EXOC6B: variants seen among roughly 807,000 people sequenced by gnomAD.
EXOC6B encodes the protein SEC15 homolog B.
Under a neutral mutation model 113.5 loss-of-function variants are expected in EXOC6B, and 54 were observed. The observed-to-expected ratio is 0.48, with a 90% confidence interval of 0.38 to 0.60. The LOEUF (loss-of-function observed/expected upper bound fraction) is 0.60. Among genes scored for constraint, EXOC6B ranks in the 20% least tolerant of loss-of-function variants. EXOC6B has a pLI of 0.00. For missense variants in EXOC6B, 797 were observed against 977.5 expected, an observed-to-expected ratio of 0.82 and a Z score of 2.46; for synonymous variants, 357 against 339.0, an observed-to-expected ratio of 1.05 and a Z score of -0.58.
chr2:72,649,924 C>A (rs1372700133), intron 6 of EXOC6B, among the ~76,000 whole-genome samples: 2 of 152,148 alleles, frequency 1.3e-5, no homozygotes, highest in Non-Finnish European at 2.9e-5. Context: ...ATAAATTAAT[C>A]ATAGATATAA....
At chr2:72,465,004 C>A in intron 18 of EXOC6B, 156 bp downstream of exon 18, 1 of 637,300 alleles carries the variant, frequency 1.6e-6, no homozygotes, top group Non-Finnish European at 2.7e-6. Context: ...TGGAAGTAGC[C>A]TCTACATATC....
chr2:72,729,583 C>A (rs1359499159), intron 5 of EXOC6B, among the ~76,000 whole-genome samples: 2 of 151,836 alleles, frequency 1.3e-5, no homozygotes, highest in Non-Finnish European at 2.9e-5. Flanking sequence ...ACCACCATGC[C>A]CAGCTCCTTT....
chr2:72,393,511 A>G (rs1692522394), intron 18 of EXOC6B, among the ~76,000 whole-genome samples: 1 of 152,134 alleles, frequency 6.6e-6, no homozygotes, highest in African/African-American at 2.4e-5. Context: ...ACTTAGCAAT[A>G]GTGTAATTTT....
At chr2:72,514,298 A>G (rs1421054940) in intron 10 of EXOC6B, among the ~76,000 whole-genome samples, 1 of 152,106 alleles carries the variant, frequency 6.6e-6, no homozygotes, top group Non-Finnish European at 1.5e-5. Context: ...AAGTTTGCCA[A>G]CTTTTGCTGA....
chr2:72,745,878 G>GCTAAT (rs1681663588), intron 1 of EXOC6B, among the ~76,000 whole-genome samples: 1 of 152,112 alleles, frequency 6.6e-6, no homozygotes, highest in Admixed American at 6.6e-5. Context: ...TACTACTGAA[G>GCTAAT]CTAATCTAAT....
At chr2:72,676,795 T>C (rs1676350000) in intron 6 of EXOC6B, among the ~76,000 whole-genome samples, 1 of 152,148 alleles carries the variant, frequency 6.6e-6, no homozygotes, top group Non-Finnish European at 1.5e-5. Flanking sequence ...AGAAAAATCG[T>C]CCCTACCTAA....
At chr2:72,776,644 A>C (rs1427738159) in intron 1 of EXOC6B, among the ~76,000 whole-genome samples, 3 of 152,196 alleles carry the variant, frequency 2.0e-5, no homozygotes, top group Non-Finnish European at 4.4e-5. Context: ...GTTTCTGTAT[A>C]AGAATTTGCA....
intron 6 of EXOC6B, among the ~76,000 whole-genome samples, chr2:72,670,699 C>T (rs1675727357): frequency 2.0e-5 from 3 of 152,148 alleles, no homozygotes; most frequent in African/African-American, 7.2e-5. Context: ...ACAGTGAAAA[C>T]TTTCTTTATT....
chr2:72,740,334 T>A (rs1681221368), intron 2 of EXOC6B, among the ~76,000 whole-genome samples: 1 of 152,166 alleles, frequency 6.6e-6, no homozygotes, highest in Non-Finnish European at 1.5e-5. Flanking sequence ...CATAAGGACT[T>A]GAAAGAAGAA....
At chr2:72,320,220 C>T (rs1249772396) in intron 20 of EXOC6B, among the ~76,000 whole-genome samples, 4 of 149,232 alleles carry the variant, frequency 2.7e-5, no homozygotes, top group African/African-American at 9.8e-5. Flanking sequence ...TATATATTTA[C>T]ATATACAGTT....
intron 5 of EXOC6B, among the ~76,000 whole-genome samples, chr2:72,724,781 T>G (rs927843617): frequency 1.3e-5 from 2 of 151,936 alleles, no homozygotes; most frequent in African/African-American, 4.8e-5. Context: ...TTATCTGCAA[T>G]GAAAATGTCA....
At chr2:72,783,535 G>A (rs1684192805) in intron 1 of EXOC6B, among the ~76,000 whole-genome samples, 3 of 151,784 alleles carry the variant, frequency 2.0e-5, no homozygotes, top group Admixed American at 2.0e-4. Flanking sequence ...TGTTGGTCAG[G>A]CTGGTCTCAA....
At chr2:72,224,987 T>C (rs1436758280) in intron 20 of EXOC6B, among the ~76,000 whole-genome samples, 1 of 146,654 alleles carries the variant, frequency 6.8e-6, no homozygotes, top group Non-Finnish European at 1.5e-5. Context: ...TCTGTATGTG[T>C]GTGTGTGTAT....
Position 72,825,951 on chromosome 2 carries a change from G to A in EXOC6B, c.-41C>T, listed in dbSNP as rs897396579. 6.2e-7 allele frequency: 1 copy of A among 1,604,494 alleles called. No homozygotes were observed. Among genetic ancestry groups the A allele is most frequent in the Non-Finnish European group, 8.5e-7 (1 of 1,177,994 alleles). On this transcript the variant is annotated 5_prime_UTR_variant, in exon 1 of 22. Coordinates refer to ENST00000272427, the MANE Select transcript of EXOC6B (RefSeq NM_015189.3). The surrounding 1 kb of genome is among the most constrained non-coding windows in gnomAD (Gnocchi z 4.4). ...CGCAGCGCGTCCCCTCCGTCGGCTC[G>A]GCTCACCTTTTCCCTGCCCCACAAT... is the stretch of plus-strand genomic sequence containing the variant.
intron 18 of EXOC6B, among the ~76,000 whole-genome samples, chr2:72,392,400 T>C (rs182977270): frequency 1.2e-3 from 182 of 152,370 alleles, no homozygotes; most frequent in Middle Eastern, 6.8e-3. Flanking sequence ...CAGTGAGGAT[T>C]GAACCCCAGC....
intron 21 of EXOC6B, 137 bp from the exon 22 acceptor site, chr2:72,179,598 A>G: frequency 1.0e-6 from 1 of 982,148 alleles, no homozygotes; most frequent in Non-Finnish European, 1.5e-6. Context: ...CTCCACTGTC[A>G]GGCCCACACT....
intron 6 of EXOC6B, among the ~76,000 whole-genome samples, chr2:72,633,124 T>C (rs960069988): frequency 6.6e-6 from 1 of 152,202 alleles, no homozygotes; most frequent in Non-Finnish European, 1.5e-5. Flanking sequence ...TACCACTCAT[T>C]GCAAAATACA....
intron 8 of EXOC6B, chr2:72,515,550 G>C (rs1701167666): frequency 6.0e-6 from 6 of 1,003,742 alleles, no homozygotes; most frequent in African/African-American, 1.7e-5. Context: ...GCAATGGGAA[G>C]CAGGAAAAAA....
intron 20 of EXOC6B, among the ~76,000 whole-genome samples, chr2:72,325,393 A>G (rs1216966532): frequency 6.6e-6 from 1 of 151,988 alleles, no homozygotes; most frequent in Non-Finnish European, 1.5e-5. Flanking sequence ...CTTGGGTACC[A>G]TTGCCTCAGA....
Sources: gnomAD v4.1 joint callset for allele counts (sites outside exome capture counted in the v4.1 genomes callset) on GRCh38, gnomAD v4.1.1 for gene constraint, Gnocchi (gnomAD v3.1) non-coding constraint, MANE v1.5 for transcripts, NCBI Gene and HGNC (gene_info 2026-07-23, HGNC 2026-07-21) for gene names.